RNF216: variants seen among roughly 807,000 people sequenced by gnomAD.
RNF216 encodes the protein ring finger protein 216.
In RNF216, 72 loss-of-function variants were observed where a neutral mutation model predicts 110.8. The observed-to-expected ratio is 0.65, with a 90% CI of 0.54 to 0.79. The LOEUF (loss-of-function observed/expected upper bound fraction) is 0.79. RNF216 is among the 30% of genes least tolerant of loss of function. The probability of loss-of-function intolerance (pLI) is 0.00; values close to 1 mark genes in which losing one functional copy is unlikely to be tolerated. For missense variants in RNF216, 1,342 were observed against 1,141.2 expected (o/e 1.18, Z -2.54); for synonymous variants, 495 against 407.5 (o/e 1.21, Z -2.59).
chr7:5,773,994 A>T (rs1036828034), intron 1 of RNF216, among the ~76,000 whole-genome samples: 17 of 152,220 alleles, frequency 1.1e-4, no homozygotes, highest in Admixed American at 2.0e-4. Flanking sequence ...AGTTAAGCAG[A>T]CTGCTAGTAA....
chr7:5,690,789 C>G (rs543689800), intron 13 of RNF216, among the ~76,000 whole-genome samples: 9 of 152,320 alleles, frequency 5.9e-5, no homozygotes, highest in African/African-American at 2.2e-4. Flanking sequence ...CATGCCCCGA[C>G]AGCCTGCAGG....
intron 1 of RNF216, chr7:5,777,589 G>A (rs1341563126): frequency 6.6e-6 from 1 of 152,194 alleles, no homozygotes; most frequent in African/African-American, 2.4e-5. Context: ...AATCAAAGTT[G>A]ACCTAGACGC....
chr7:5,764,573 G>C (rs146256702), intron 1 of RNF216, among the ~76,000 whole-genome samples: 1 of 151,954 alleles, frequency 6.6e-6, no homozygotes, highest in South Asian at 2.1e-4. Context: ...GCTTGAACCC[G>C]GGAGGCGGAG....
intron 3 of RNF216, 150 bp from the exon 4 acceptor site, chr7:5,741,965 T>C (rs760239846): frequency 1.1e-5 from 8 of 761,430 alleles, no homozygotes; most frequent in Non-Finnish European, 1.4e-5. Context: ...ATCTTAACAC[T>C]GAAATTTGAT....
intron 13 of RNF216, among the ~76,000 whole-genome samples, chr7:5,658,625 C>G (rs894598702): frequency 4.1e-5 from 6 of 147,226 alleles, no homozygotes; most frequent in Non-Finnish European, 8.9e-5. Flanking sequence ...CTACTGCACT[C>G]CAGTCTGGGT....
chr7:5,657,709 G>C (rs747620185), intron 13 of RNF216, among the ~76,000 whole-genome samples: 70 of 152,164 alleles, frequency 4.6e-4, no homozygotes, highest in Non-Finnish European at 9.1e-4. Flanking sequence ...GTGTCTTCTA[G>C]TTGTCAAAGA....
chr7:5,640,991 C>G (rs529784084), intron 15 of RNF216, among the ~76,000 whole-genome samples, 163 bp downstream of exon 15: 17 of 152,296 alleles, frequency 1.1e-4, no homozygotes, highest in Non-Finnish European at 1.5e-4. Context: ...TGAGGAGTAG[C>G]TGATAATTAG....
chr7:5,655,949 T>C (rs1267230270), intron 13 of RNF216, among the ~76,000 whole-genome samples: 1 of 150,284 alleles, frequency 6.7e-6, no homozygotes, highest in African/African-American at 2.5e-5. Context: ...CTCCACCTCC[T>C]GGGCTCAAGC....
At chr7:5,703,798 G>A (rs914583686) in intron 13 of RNF216, among the ~76,000 whole-genome samples, 2 of 152,204 alleles carry the variant, frequency 1.3e-5, no homozygotes, top group Non-Finnish European at 2.9e-5. Context: ...CTTGCTTCAT[G>A]AGTGTGCCTA....
chr7:5,759,627 T>TCTC (rs767872366), intron 2 of RNF216, among the ~76,000 whole-genome samples: 41 of 10,986 alleles, frequency 3.7e-3, no homozygotes, highest in African/African-American at 0.012. Context: ...TGGAGTCATT[T>TCTC]TTCTTCTTTT....
chr7:5,743,058 C>T (rs1489760622), intron 3 of RNF216, among the ~76,000 whole-genome samples: 2 of 151,988 alleles, frequency 1.3e-5, no homozygotes, highest in Admixed American at 6.6e-5. Context: ...GTCAGGAGAT[C>T]GAGACCATCC....
intron 14 of RNF216, among the ~76,000 whole-genome samples, chr7:5,644,567 G>GTT (rs1787937494): frequency 6.6e-6 from 1 of 151,648 alleles, no homozygotes; most frequent in Non-Finnish European, 1.5e-5. Flanking sequence ...GTGCAGTAGT[G>GTT]TAATATCAGC....
chr7:5,689,968 G>A (rs946712233), intron 13 of RNF216, among the ~76,000 whole-genome samples: 6 of 151,228 alleles, frequency 4.0e-5, no homozygotes, highest in African/African-American at 1.5e-4. Context: ...GAGAAGAGAA[G>A]AGGAGGGCAG....
At chr7:5,626,215 C>T (rs905413865) in intron 15 of RNF216, among the ~76,000 whole-genome samples, 1 of 152,268 alleles carries the variant, frequency 6.6e-6, no homozygotes, top group Non-Finnish European at 1.5e-5. Context: ...TTTGTGAACA[C>T]TCCACAAGGG....
intron 13 of RNF216, among the ~76,000 whole-genome samples, chr7:5,669,785 G>C (rs896116718): frequency 2.0e-5 from 3 of 152,138 alleles, no homozygotes; most frequent in African/African-American, 7.2e-5. Flanking sequence ...CAAGCTACTC[G>C]GGAGGCCGAG....
intron 13 of RNF216, among the ~76,000 whole-genome samples, chr7:5,692,816 G>A (rs1791415007): frequency 6.6e-6 from 1 of 152,166 alleles, no homozygotes. Flanking sequence ...TTTTGCTCAT[G>A]TTCAGACATG....
chr7:5,698,400 C>CACACACACACACACAT (rs377309844), intron 13 of RNF216, among the ~76,000 whole-genome samples: 2 of 151,716 alleles, frequency 1.3e-5, no homozygotes, highest in Admixed American at 1.3e-4. Context: ...CACACACACA[C>CACACACACACACACAT]ACACACACAC....
At chr7:5,707,313 A>T (rs1164985069) in intron 13 of RNF216, among the ~76,000 whole-genome samples, 1 of 152,118 alleles carries the variant, frequency 6.6e-6, no homozygotes, top group African/African-American at 2.4e-5. Context: ...TTATTTCAGC[A>T]GTTTTTTATA....
intron 10 of RNF216, among the ~76,000 whole-genome samples, chr7:5,716,435 G>T (rs1424887656): frequency 1.3e-5 from 2 of 152,120 alleles, no homozygotes; most frequent in Non-Finnish European, 2.9e-5. Context: ...ACTCTAAAGT[G>T]ATATCTAAGT....
Sources: gnomAD v4.1 joint callset for allele counts (sites outside exome capture counted in the v4.1 genomes callset) on GRCh38, gnomAD v4.1.1 for gene constraint, MANE v1.5 for transcripts, NCBI Gene and HGNC (gene_info 2026-07-23, HGNC 2026-07-21) for gene names.